KCNQ3: variants seen among roughly 807,000 people sequenced by gnomAD.
KCNQ3 encodes the protein potassium voltage-gated channel subfamily KQT member 3.
KCNQ3 carries 30 observed loss-of-function variants against 92.5 expected under a neutral mutation model. That is an observed-to-expected ratio of 0.32 (90% CI 0.24 to 0.44). KCNQ3 has a LOEUF of 0.44. KCNQ3 is among the 20% of genes least tolerant of loss of function. The pLI, the probability that KCNQ3 is intolerant of heterozygous loss-of-function variation, is 1.00. For synonymous variants in KCNQ3, 450 were observed against 468.8 expected (o/e 0.96, Z 0.52); for missense variants, 913 against 1,140.3 (o/e 0.80, Z 2.87).
intron 1 of KCNQ3, among the ~76,000 whole-genome samples, chr8:132,371,621 T>C (rs1448370053): frequency 1.3e-5 from 2 of 152,298 alleles, no homozygotes; most frequent in African/African-American, 4.8e-5. Flanking sequence ...CTGTTATAAG[T>C]GGGGACAAGT....
At position 132,126,741 on chromosome 8, in the gene KCNQ3, A is replaced by T. The variant is rs571020283; in HGVS notation, c.*2521T>A. ...TAGACTGCCTGCCTATGGTTTAGGA[A>T]ATAATACAAGCTCCAATCCTTTCTA... On this transcript the variant is annotated 3_prime_UTR_variant, in exon 15 of 15. Coordinates refer to ENST00000388996, the MANE Select transcript of KCNQ3 (RefSeq NM_004519.4). 1.8e-4 allele frequency: 27 copies of T among 152,218 alleles called. No homozygotes were observed. Among genetic ancestry groups the T allele is most frequent in the African/African-American group, 6.3e-4 (26 of 41,532 alleles). 9.4% of individuals were successfully genotyped at this position (152,218 alleles called of 1,614,324 possible).
At chr8:132,194,322 C>A (rs999664647) in intron 1 of KCNQ3, among the ~76,000 whole-genome samples, 1 of 152,214 alleles carries the variant, frequency 6.6e-6, no homozygotes, top group Non-Finnish European at 1.5e-5. Context: ...TGACAGACCT[C>A]AAACTGCGTG....
At chr8:132,179,455 T>C (rs916928679) in intron 4 of KCNQ3, among the ~76,000 whole-genome samples, 3 of 152,120 alleles carry the variant, frequency 2.0e-5, no homozygotes, top group African/African-American at 7.2e-5. Flanking sequence ...GGGTACTTCC[T>C]CTTTCTGTGT....
chr8:132,333,281 T>C (rs1818280206), intron 1 of KCNQ3, among the ~76,000 whole-genome samples: 1 of 151,878 alleles, frequency 6.6e-6, no homozygotes, highest in Non-Finnish European at 1.5e-5. Context: ...GGTAAGAAAG[T>C]TCAGAGAGAG....
At chr8:132,471,321 A>C (rs191718951) in intron 1 of KCNQ3, among the ~76,000 whole-genome samples, 1 of 152,262 alleles carries the variant, frequency 6.6e-6, no homozygotes, top group Admixed American at 6.5e-5. Context: ...CAGTAGCTTT[A>C]AGAGCCTGGG....
chr8:132,155,140 C>T (rs563212159), intron 9 of KCNQ3, among the ~76,000 whole-genome samples: 6 of 152,142 alleles, frequency 3.9e-5, no homozygotes, highest in Non-Finnish European at 7.3e-5. Flanking sequence ...CCAGCACCCC[C>T]GACACTACAT....
chr8:132,239,700 A>G (rs1290116604), intron 1 of KCNQ3, among the ~76,000 whole-genome samples: 1 of 152,202 alleles, frequency 6.6e-6, no homozygotes, highest in African/African-American at 2.4e-5. Context: ...ATATATGACC[A>G]ATTTTAGATA....
At chr8:132,285,878 T>C (rs1473881303) in intron 1 of KCNQ3, among the ~76,000 whole-genome samples, 2 of 152,152 alleles carry the variant, frequency 1.3e-5, no homozygotes, top group Non-Finnish European at 2.9e-5. Flanking sequence ...CTCTGCTCCT[T>C]AAATTCCAGC....
At chr8:132,150,377 G>A (rs1160180022) in intron 9 of KCNQ3, among the ~76,000 whole-genome samples, 5 of 152,130 alleles carry the variant, frequency 3.3e-5, no homozygotes, top group African/African-American at 1.2e-4. Flanking sequence ...TGATATGTGA[G>A]CTTTTGTGGT....
intron 1 of KCNQ3, among the ~76,000 whole-genome samples, chr8:132,214,682 A>G (rs1813968980): frequency 6.6e-6 from 1 of 152,226 alleles, no homozygotes; most frequent in South Asian, 2.1e-4. Flanking sequence ...AGCAAAAATG[A>G]CATTGCCACA....
At chr8:132,356,987 T>C (rs1339331700) in intron 1 of KCNQ3, among the ~76,000 whole-genome samples, 2 of 149,214 alleles carry the variant, frequency 1.3e-5, no homozygotes, top group Non-Finnish European at 2.9e-5. Context: ...GAGACTATAG[T>C]AAATCTAAAA....
chr8:132,326,033 C>T (rs982729549), intron 1 of KCNQ3, among the ~76,000 whole-genome samples: 2 of 152,188 alleles, frequency 1.3e-5, no homozygotes. Flanking sequence ...TCAATGGCTA[C>T]TGCCATTGAG....
chr8:132,270,220 C>T (rs1402031728), intron 1 of KCNQ3, among the ~76,000 whole-genome samples: 2 of 152,054 alleles, frequency 1.3e-5, no homozygotes, highest in East Asian at 3.9e-4. Flanking sequence ...AAAGCTTTGG[C>T]AATGGGCGTT....
At chr8:132,476,947 C>T (rs1362478810) in intron 1 of KCNQ3, among the ~76,000 whole-genome samples, 1 of 152,152 alleles carries the variant, frequency 6.6e-6, no homozygotes, top group African/African-American at 2.4e-5. Context: ...GTGACTGAAT[C>T]ATGTGGGCAT....
At chr8:132,319,285 T>C (rs1817831752) in intron 1 of KCNQ3, among the ~76,000 whole-genome samples, 1 of 152,128 alleles carries the variant, frequency 6.6e-6, no homozygotes. Flanking sequence ...CTCAGATCAC[T>C]CATCTGACCC....
chr8:132,189,487 T>C lies in KCNQ3; in HGVS notation c.387-3306A>G, dbSNP rs148413102. Among the ~76,000 whole-genome samples the C allele has an allele frequency of 1.8e-4, 28 of 152,274 alleles. No individual in the cohort carries two copies. The East Asian group carries it at 4.8e-3, about 26-fold the overall frequency. ...TTATTGATCCGATTGAGGTAGAAGTTGCAACCCTTAAAACATGAGACTGCT... is the reference window on the plus strand; with the variant it reads ...TTATTGATCCGATTGAGGTAGAAGTCGCAACCCTTAAAACATGAGACTGCT... On this transcript the variant is annotated intron_variant, in intron 1 of 14. Transcript: ENST00000388996.
At chr8:132,181,200 A>C (rs1826758947) in intron 3 of KCNQ3, among the ~76,000 whole-genome samples, 1 of 152,214 alleles carries the variant, frequency 6.6e-6, no homozygotes, top group Non-Finnish European at 1.5e-5. Context: ...GGCTCTTGAC[A>C]TCAAATCCTC....
chr8:132,206,530 G>C (rs915582051), intron 1 of KCNQ3, among the ~76,000 whole-genome samples: 24 of 152,242 alleles, frequency 1.6e-4, no homozygotes, highest in African/African-American at 5.8e-4. Context: ...TCATATACGA[G>C]GTTTACAAAA....
intron 1 of KCNQ3, among the ~76,000 whole-genome samples, chr8:132,267,309 T>C (rs148014007): frequency 1.3e-5 from 2 of 152,288 alleles, no homozygotes; most frequent in Non-Finnish European, 2.9e-5. Context: ...CTGATTCCCA[T>C]TGCCATTATC....
Sources: allele counts gnomAD v4.1 joint callset (sites outside exome capture counted in the v4.1 genomes callset), GRCh38; gene constraint gnomAD v4.1.1; transcripts MANE v1.5; gene names NCBI Gene and HGNC (gene_info 2026-07-23, HGNC 2026-07-21).